LAMA2: variants seen among roughly 807,000 people sequenced by gnomAD.
LAMA2 encodes laminin subunit alpha 2.
In LAMA2, 269 loss-of-function variants were observed where a neutral mutation model predicts 364.8. The ratio of observed to expected loss-of-function variants is 0.74; its 90% CI spans 0.67 to 0.82. The LOEUF is 0.82. Ranked by LOEUF, LAMA2 falls within the 40% of genes least tolerant of loss-of-function variation. LAMA2 has a pLI of 0.00. For missense variants in LAMA2, 3,807 were observed against 3,873.2 expected (o/e 0.98, Z 0.45); for synonymous variants, 1,379 against 1,370.6 (o/e 1.01, Z -0.14).
At chr6:128,954,482 A>G (rs1157022064) in intron 1 of LAMA2, among the ~76,000 whole-genome samples, 1 of 152,058 alleles carries the variant, frequency 6.6e-6, no homozygotes, top group Non-Finnish European at 1.5e-5. Flanking sequence ...TAAAAAAAAT[A>G]CCTGCATCAG....
chr6:129,224,901 A>C (rs1784139358), intron 12 of LAMA2, among the ~76,000 whole-genome samples: 1 of 152,222 alleles, frequency 6.6e-6, no homozygotes, highest in Non-Finnish European at 1.5e-5. Context: ...TAGTTTCAGA[A>C]GGAATGGTAC....
At chr6:129,157,861 G>A in intron 8 of LAMA2, 1 of 1,614,166 alleles carries the variant, frequency 6.2e-7, no homozygotes. Context: ...GGCTGGAAGT[G>A]GTTTTTGTTC....
At chr6:129,405,992 A>T (rs1181865857) in intron 40 of LAMA2, among the ~76,000 whole-genome samples, 1 of 152,142 alleles carries the variant, frequency 6.6e-6, no homozygotes, top group Non-Finnish European at 1.5e-5. Flanking sequence ...AACAATTTAT[A>T]CATTTGCAGG....
chr6:129,233,055 C>T (rs1784769371), intron 12 of LAMA2, among the ~76,000 whole-genome samples: 1 of 152,066 alleles, frequency 6.6e-6, no homozygotes, highest in Admixed American at 6.6e-5. Flanking sequence ...CCTGAATGAA[C>T]AAGGAGATAG....
At position 129,314,805 on chromosome 6, in the gene LAMA2, A is replaced by G. The variant is rs759066718; in HGVS notation, c.3555+7A>G. 44 of 1,613,790 alleles carry G rather than the reference A, an allele frequency of 2.7e-5. No individual in the cohort carries two copies. Among genetic ancestry groups the G allele is most frequent in the Non-Finnish European group, 3.6e-5 (42 of 1,179,902 alleles). ...AGGACTGATCCGGACGTGGGTGAGT[A>G]GGGAACTGCTGAGCCATGTAATGGT... On this transcript the variant is annotated splice_region_variant and intron_variant, in intron 24 of 64. Transcript: ENST00000421865.
At chr6:129,219,342 G>C (rs1562344048) in intron 12 of LAMA2, among the ~76,000 whole-genome samples, 1 of 152,042 alleles carries the variant, frequency 6.6e-6, no homozygotes, top group Admixed American at 6.6e-5. Flanking sequence ...TGCTGGAGAG[G>C]ATGTGGAGAA....
Position 129,287,983 on chromosome 6 carries a change from G to A in LAMA2, c.2674G>A (p.Gly892Ser). Residue 892 changes from glycine (G) to serine (S), a missense_variant, in exon 19 of 65, where the codon GGT becomes AGT. This residue lies in a region of LAMA2 where 3,333 missense variants were observed against 3,345.7 expected (regional missense o/e 1.00). Transcript: ENST00000421865. The stretch of plus-strand genomic sequence containing the variant: ...TGGCTCCTGTCTGATATGTAAACCA[G>A]GTACAACAGGCCGGTACTGTGAGCT... Reference protein sequence around the residue: ...LSGSCLICKPGTTGRYCELCA... With the variant: ...LSGSCLICKPSTTGRYCELCA... 2 of 1,614,106 alleles carry A rather than the reference G, an allele frequency of 1.2e-6. No individual in the cohort carries two copies. Among genetic ancestry groups the A allele is most frequent in the Non-Finnish European group, 1.7e-6 (2 of 1,179,968 alleles).
At chr6:129,438,190 ATAT>A (rs1781928923) in intron 41 of LAMA2, among the ~76,000 whole-genome samples, 2 of 151,782 alleles carry the variant, frequency 1.3e-5, no homozygotes, top group African/African-American at 2.4e-5. Context: ...ATATTAACAA[ATAT>A]TATTATACTG....
At chr6:129,102,089 T>G (rs1775547488) in intron 4 of LAMA2, among the ~76,000 whole-genome samples, 1 of 151,934 alleles carries the variant, frequency 6.6e-6, no homozygotes, top group South Asian at 2.1e-4. Flanking sequence ...TATTTTTCAG[T>G]TTCTAAATTT....
chr6:129,359,857 A>T (rs916735401), intron 32 of LAMA2, among the ~76,000 whole-genome samples: 2 of 152,078 alleles, frequency 1.3e-5, no homozygotes, highest in South Asian at 4.1e-4. Context: ...GTTATTATGC[A>T]TGGGGAATCC....
At chr6:129,158,562 C>A in intron 8 of LAMA2, 2 of 1,614,026 alleles carry the variant, frequency 1.2e-6, no homozygotes, top group South Asian at 2.2e-5. Flanking sequence ...ATTGTAACGA[C>A]GTCTGCTTGA....
At chr6:129,302,964 T>C (rs1773638441) in intron 22 of LAMA2, among the ~76,000 whole-genome samples, 2 of 152,144 alleles carry the variant, frequency 1.3e-5, no homozygotes, top group African/African-American at 4.8e-5. Context: ...ACATAACTTT[T>C]AAATTTAGCA....
intron 4 of LAMA2, 112 bp downstream of exon 4, chr6:129,098,527 A>G: frequency 1.6e-6 from 2 of 1,288,302 alleles, no homozygotes; most frequent in Non-Finnish European, 2.2e-6. Flanking sequence ...AATAGGATTT[A>G]GCAAAAGTAC....
intron 37 of LAMA2, among the ~76,000 whole-genome samples, chr6:129,394,141 T>C (rs1156611765): frequency 6.6e-6 from 1 of 152,230 alleles, no homozygotes; most frequent in Non-Finnish European, 1.5e-5. Flanking sequence ...CAGCACCCTG[T>C]ATGTGATATT....
intron 9 of LAMA2, among the ~76,000 whole-genome samples, chr6:129,174,314 T>G (rs947960154): frequency 6.6e-6 from 1 of 152,152 alleles, no homozygotes; most frequent in African/African-American, 2.4e-5. Flanking sequence ...TTTCCAATAC[T>G]CTTTTTTACT....
chr6:128,957,048 G>A (rs552752681), intron 1 of LAMA2, among the ~76,000 whole-genome samples: 1 of 152,110 alleles, frequency 6.6e-6, no homozygotes, highest in Non-Finnish European at 1.5e-5. Context: ...ACACTCTTCT[G>A]TGTTTCACTA....
At chr6:129,102,130 CTTTTT>C (rs10713380) in intron 4 of LAMA2, among the ~76,000 whole-genome samples, 3 of 130,364 alleles carry the variant, frequency 2.3e-5, no homozygotes, top group Admixed American at 7.5e-5. Context: ...TTCTTTCTTT[CTTTTT>C]TTTTTTTTTT....
intron 1 of LAMA2, among the ~76,000 whole-genome samples, chr6:128,932,787 A>C (rs1053695341): frequency 2.0e-5 from 3 of 152,188 alleles, no homozygotes; most frequent in Non-Finnish European, 2.9e-5. Context: ...CCACAACCAA[A>C]TTAATTAATA....
intron 2 of LAMA2, among the ~76,000 whole-genome samples, chr6:129,055,176 T>TTTATTATTATTATTA (rs1554207591): frequency 1.6e-5 from 2 of 123,768 alleles, no homozygotes; most frequent in African/African-American, 6.6e-5. Flanking sequence ...ATTATTATTA[T>TTTATTATTATTATTA]TTATTATTAT....
Sources: allele counts gnomAD v4.1 joint callset (sites outside exome capture counted in the v4.1 genomes callset), GRCh38; gene constraint gnomAD v4.1.1; regional missense constraint gnomAD v4.1.1; transcripts MANE v1.5; gene names NCBI Gene and HGNC (gene_info 2026-07-23, HGNC 2026-07-21).